MITF: variants seen among roughly 807,000 people sequenced by gnomAD.
The protein encoded by MITF is melanocyte inducing transcription factor.
In MITF, 17 loss-of-function variants were observed where a neutral mutation model predicts 60.5. The ratio of observed to expected loss-of-function variants is 0.28; its 90% confidence interval spans 0.19 to 0.42. MITF has a LOEUF of 0.42. Among genes scored for constraint, MITF ranks in the 10% least tolerant of loss-of-function variants. MITF has a pLI of 1.00. For synonymous variants in MITF, 260 were observed against 248.5 expected, an observed-to-expected ratio of 1.05 and a Z score of -0.43; for missense variants, 622 against 683.5, an observed-to-expected ratio of 0.91 and a Z score of 1.00.
intron 1 of MITF, among the ~76,000 whole-genome samples, chr3:69,875,832 C>T (rs2064341344): frequency 6.6e-6 from 1 of 152,176 alleles, no homozygotes; most frequent in South Asian, 2.1e-4. Context: ...AGATTGAGAG[C>T]AAAGCTGAGA....
intron 2 of MITF, among the ~76,000 whole-genome samples, chr3:69,934,402 T>C (rs1211600802): frequency 6.6e-6 from 1 of 152,212 alleles, no homozygotes; most frequent in East Asian, 1.9e-4. Flanking sequence ...TAAATATTGA[T>C]AGATATAATC....
intron 1 of MITF, among the ~76,000 whole-genome samples, chr3:69,787,736 C>A (rs1283778602): frequency 6.6e-6 from 1 of 152,006 alleles, no homozygotes; most frequent in African/African-American, 2.4e-5. Context: ...TGACATTGAG[C>A]CTCATGTTTT....
At chr3:69,741,141 T>C (rs1156725021) in intron 1 of MITF, among the ~76,000 whole-genome samples, 6 of 152,144 alleles carry the variant, frequency 3.9e-5, no homozygotes, top group Non-Finnish European at 5.9e-5. Context: ...TAGTTGGTGG[T>C]TTTTCCTCAT....
chr3:69,760,569 G>A (rs942469353), intron 1 of MITF, among the ~76,000 whole-genome samples: 1 of 152,188 alleles, frequency 6.6e-6, no homozygotes, highest in African/African-American at 2.4e-5. Context: ...CTAGAAAAAG[G>A]GTGGTAACTT....
At position 69,879,236 on chromosome 3, in the gene MITF, G is replaced by T. The variant is rs1478849120; in HGVS notation, c.207G>T (p.Gln69His). The T allele has an allele frequency of 1.2e-6, 2 of 1,614,224 alleles. No homozygotes were observed. The highest frequency in any genetic ancestry group is 1.7e-6 in the Non-Finnish European group (2 of 1,180,040). ...LRQQLMREQM[Q>H]EQERREQQQK... The stretch of plus-strand genomic sequence containing the variant: ...AGCAACTCATGCGTGAGCAGATGCA[G>T]GAGCAGGAGCGCAGGGAGCAGCAGC... The change falls in exon 2 of 10, where the codon CAG (glutamine) becomes CAT (histidine). Residue 69 changes from glutamine (Q) to histidine (H), a missense_variant. Gln to His is a conservative substitution (Grantham distance 24). Coordinates refer to ENST00000352241, the MANE Select transcript of MITF (RefSeq NM_001354604.2).
chr3:69,771,770 T>G (rs911485526), intron 1 of MITF, among the ~76,000 whole-genome samples: 2 of 152,192 alleles, frequency 1.3e-5, no homozygotes, highest in Non-Finnish European at 2.9e-5. Context: ...CATCCCAAAT[T>G]CTCTAGCAAA....
intron 1 of MITF, among the ~76,000 whole-genome samples, chr3:69,849,612 T>C (rs2063791673): frequency 6.6e-6 from 1 of 152,202 alleles, no homozygotes; most frequent in African/African-American, 2.4e-5. Flanking sequence ...CCTGGGTGAA[T>C]AGCTAATGAG....
At chr3:69,765,859 A>G (rs148681103) in intron 1 of MITF, among the ~76,000 whole-genome samples, 9 of 152,348 alleles carry the variant, frequency 5.9e-5, no homozygotes, top group African/African-American at 2.2e-4. Context: ...CATTGCAATG[A>G]TAAGTTCTTT....
intron 2 of MITF, among the ~76,000 whole-genome samples, chr3:69,889,044 TTTTTTTTG>T: frequency 6.8e-6 from 1 of 147,068 alleles, no homozygotes; most frequent in Non-Finnish European, 1.5e-5. Flanking sequence ...TTTTTTTTTT[TTTTTTTTG>T]CATTGTTAAA....
At chr3:69,803,291 G>A (rs955596159) in intron 1 of MITF, among the ~76,000 whole-genome samples, 4 of 152,076 alleles carry the variant, frequency 2.6e-5, no homozygotes, top group African/African-American at 9.7e-5. Context: ...CCGTCTTCTT[G>A]GGTATATACC....
Position 69,739,694 on chromosome 3 carries a change from A to C in MITF, c.97A>C (p.Lys33Gln). The C allele has an allele frequency of 6.4e-7, 1 of 1,568,622 alleles. No individual in the cohort carries two copies. The highest frequency in any genetic ancestry group is 1.2e-5 in the South Asian group (1 of 85,490). ...TYYELKSQPL[K>Q]SSSSAEHPGA... The stretch of plus-strand genomic sequence containing the variant: ...TTACGAACTCAAAAGTCAACCGCTG[A>C]AGAGCAGGTGAGTGGTGACAGCTGG... Residue 33 changes from lysine to glutamine, a missense_variant, in exon 1 of 10, where the codon AAG becomes CAG. Coordinates refer to ENST00000352241, the MANE Select transcript of MITF (RefSeq NM_001354604.2).
At chr3:69,958,833 C>T (rs917459162) in intron 8 of MITF, among the ~76,000 whole-genome samples, 2 of 152,146 alleles carry the variant, frequency 1.3e-5, no homozygotes, top group African/African-American at 2.4e-5. Context: ...CACAGTCTCT[C>T]TCTTACAAGG....
chr3:69,796,500 T>C (rs907054456), intron 1 of MITF, among the ~76,000 whole-genome samples: 1 of 115,568 alleles, frequency 8.7e-6, no homozygotes, highest in African/African-American at 3.0e-5. Context: ...CTTTCTTTTT[T>C]TTTTTTTTTT....
At chr3:69,860,244 C>T (rs1313679136) in intron 1 of MITF, among the ~76,000 whole-genome samples, 3 of 152,030 alleles carry the variant, frequency 2.0e-5, no homozygotes, top group South Asian at 4.1e-4. Flanking sequence ...GGGATTAATC[C>T]GTGGTATTGA....
intron 4 of MITF, 40 bp from the exon 5 acceptor site, chr3:69,941,196 A>G (rs1307259627): frequency 7.4e-7 from 1 of 1,353,846 alleles, no homozygotes; most frequent in Non-Finnish European, 1.1e-6. Context: ...TGCATAGTTT[A>G]TTTATTTTTG....
chr3:69,785,137 G>C (rs1575707855), intron 1 of MITF, among the ~76,000 whole-genome samples: 1 of 151,934 alleles, frequency 6.6e-6, no homozygotes, highest in East Asian at 1.9e-4. Flanking sequence ...GAGCTGGGCT[G>C]ATCTGTGTGG....
intron 2 of MITF, among the ~76,000 whole-genome samples, chr3:69,903,061 A>G (rs148869807): frequency 7.2e-5 from 11 of 152,344 alleles, no homozygotes; most frequent in South Asian, 2.1e-4. Flanking sequence ...AGAATTAAAA[A>G]GACCACAATC....
At chr3:69,854,231 A>G (rs1353690544) in intron 1 of MITF, among the ~76,000 whole-genome samples, 1 of 152,104 alleles carries the variant, frequency 6.6e-6, no homozygotes, top group East Asian at 1.9e-4. Context: ...TAAATCATGT[A>G]TTGTGTCCCA....
chr3:69,855,127 T>G (rs2063893635), intron 1 of MITF, among the ~76,000 whole-genome samples: 1 of 151,728 alleles, frequency 6.6e-6, no homozygotes, highest in Non-Finnish European at 1.5e-5. Context: ...TCTGCTCTCA[T>G]GGTCTACATT....
Sources: gnomAD v4.1 joint callset for allele counts (sites outside exome capture counted in the v4.1 genomes callset) on GRCh38, gnomAD v4.1.1 for gene constraint, MANE v1.5 for transcripts, NCBI Gene and HGNC (gene_info 2026-07-23, HGNC 2026-07-21) for gene names.